The following NUMB variants were observed in gnomAD, a reference collection of about 807,000 sequenced individuals.
NUMB encodes protein numb homolog.
Under a neutral mutation model 59.7 loss-of-function variants are expected in NUMB, and 29 were observed. That is an observed-to-expected ratio of 0.49 (90% CI 0.36 to 0.66). The LOEUF (loss-of-function observed/expected upper bound fraction) is 0.66. NUMB is among the 30% of genes least tolerant of loss of function. The probability of loss-of-function intolerance (pLI) is 0.00; values close to 1 mark genes in which losing one functional copy is unlikely to be tolerated. For missense variants in NUMB, 723 were observed against 822.0 expected (o/e 0.88, Z 1.47); for synonymous variants, 288 against 288.2 (o/e 1.00, Z 0.01).
At chr14:73,326,354 C>G (rs1271188775) in intron 4 of NUMB, among the ~76,000 whole-genome samples, 1 of 152,044 alleles carries the variant, frequency 6.6e-6, no homozygotes, top group Non-Finnish European at 1.5e-5. Flanking sequence ...TGGCCGGTCG[C>G]GGTGGGTCAC....
At chr14:73,300,180 G>A (rs1199789061) in intron 6 of NUMB, among the ~76,000 whole-genome samples, 3 of 152,136 alleles carry the variant, frequency 2.0e-5, no homozygotes, top group Non-Finnish European at 4.4e-5. Flanking sequence ...CAATGGAAAC[G>A]GAAGGCCCAA....
chr14:73,445,417 G>A (rs1324655357), intron 1 of NUMB, among the ~76,000 whole-genome samples: 3 of 128,716 alleles, frequency 2.3e-5, no homozygotes, highest in Admixed American at 8.4e-5. Context: ...ATTTATAGCT[G>A]GATAAAATAA....
intron 1 of NUMB, among the ~76,000 whole-genome samples, chr14:73,417,802 A>G (rs1264400839): frequency 2.0e-5 from 3 of 152,200 alleles, no homozygotes; most frequent in Admixed American, 6.5e-5. Context: ...CGATGGATGA[A>G]TGGCTAAACA....
intron 3 of NUMB, among the ~76,000 whole-genome samples, chr14:73,358,601 ACTTT>A (rs1893937298): frequency 8.6e-6 from 1 of 115,684 alleles, no homozygotes; most frequent in African/African-American, 3.4e-5. Context: ...GGAAAGCTAG[ACTTT>A]TTTTTTTTTT....
At chr14:73,413,603 C>T (rs1200967763) in intron 1 of NUMB, among the ~76,000 whole-genome samples, 2 of 151,528 alleles carry the variant, frequency 1.3e-5, no homozygotes, top group African/African-American at 4.8e-5. Flanking sequence ...ACCAAAAATA[C>T]AAAAATTAGC....
intron 1 of NUMB, among the ~76,000 whole-genome samples, chr14:73,441,642 G>A (rs552657422): frequency 2.6e-4 from 40 of 152,068 alleles, no homozygotes; most frequent in African/African-American, 8.4e-4. Flanking sequence ...TTTGGGAGGC[G>A]AGGAGAAAGA....
At chr14:73,356,609 G>A (rs938073211) in intron 3 of NUMB, among the ~76,000 whole-genome samples, 3 of 152,154 alleles carry the variant, frequency 2.0e-5, no homozygotes, top group Non-Finnish European at 4.4e-5. Context: ...CACAGCCTGG[G>A]CGACAGAGTG....
chr14:73,446,131 G>A (rs1883485985), intron 1 of NUMB, among the ~76,000 whole-genome samples: 1 of 137,086 alleles, frequency 7.3e-6, no homozygotes, highest in Non-Finnish European at 1.5e-5. Flanking sequence ...CGAGTAGCTG[G>A]GACTATAAGC....
At chr14:73,389,784 T>C (rs567146150) in intron 2 of NUMB, among the ~76,000 whole-genome samples, 1 of 152,336 alleles carries the variant, frequency 6.6e-6, no homozygotes, top group South Asian at 2.1e-4. Flanking sequence ...TAAAATGGGA[T>C]AATAATGTAT....
chr14:73,388,701 G>A (rs754762768), intron 2 of NUMB, among the ~76,000 whole-genome samples: 20 of 152,118 alleles, frequency 1.3e-4, no homozygotes, highest in Non-Finnish European at 2.6e-4. Context: ...GGTAGCTCAC[G>A]CCTGTAATCC....
chr14:73,443,461 G>A (rs1449369038), intron 1 of NUMB, among the ~76,000 whole-genome samples: 1 of 152,006 alleles, frequency 6.6e-6, no homozygotes, highest in Non-Finnish European at 1.5e-5. Context: ...CAGGCGTGGT[G>A]GCGCACGCCT....
intron 1 of NUMB, among the ~76,000 whole-genome samples, chr14:73,413,956 CT>C (rs748482351): frequency 0.016 from 2,269 of 138,858 alleles, 24 homozygotes; most frequent in African/African-American, 0.042. Flanking sequence ...AATGTTTTTT[CT>C]TTTTTTTTTT....
chr14:73,376,254 C>A (rs929029059), intron 2 of NUMB, among the ~76,000 whole-genome samples: 1 of 151,930 alleles, frequency 6.6e-6, no homozygotes, highest in African/African-American at 2.4e-5. Flanking sequence ...TCCTATATAC[C>A]AGTAATAAAC....
chr14:73,277,745 C>T (rs867360171), intron 12 of NUMB, among the ~76,000 whole-genome samples: 42 of 144,994 alleles, frequency 2.9e-4, no homozygotes, highest in Middle Eastern at 7.2e-3. Context: ...CTGGGCAACA[C>T]AGTGAGAATT....
chr14:73,419,422 T>C (rs568387326), intron 1 of NUMB, among the ~76,000 whole-genome samples: 212 of 152,208 alleles, frequency 1.4e-3, no homozygotes, highest in African/African-American at 4.7e-3. Context: ...GGCAGGAGAA[T>C]GGCATGAACC....
At chr14:73,355,870 G>A (rs1719872869) in intron 3 of NUMB, 104 bp from the exon 4 acceptor site, 1 of 815,918 alleles carries the variant, frequency 1.2e-6, no homozygotes, top group Non-Finnish European at 1.9e-6. Flanking sequence ...AAAATTAAAG[G>A]TTTTGGGTTT....
chr14:73,312,559 C>T (rs1566738480), intron 6 of NUMB, among the ~76,000 whole-genome samples: 2 of 151,966 alleles, frequency 1.3e-5, no homozygotes, highest in Non-Finnish European at 2.9e-5. Context: ...ACAAAAAACA[C>T]AAAAATTAGC....
intron 4 of NUMB, among the ~76,000 whole-genome samples, chr14:73,327,050 T>TA (rs71112729): frequency 0.19 from 28,362 of 149,704 alleles, 3,142 homozygotes; most frequent in South Asian, 0.26. Flanking sequence ...TAAGGAAATT[T>TA]AAAAAAAAAA....
chr14:73,346,945 G>A (rs967204568), intron 4 of NUMB, among the ~76,000 whole-genome samples: 4 of 152,110 alleles, frequency 2.6e-5, no homozygotes, highest in Admixed American at 1.3e-4. Flanking sequence ...TTATGCTCAA[G>A]TAGTTCCCAT....
Sources: allele counts gnomAD v4.1 joint callset (sites outside exome capture counted in the v4.1 genomes callset), GRCh38; gene constraint gnomAD v4.1.1; transcripts MANE v1.5; gene names NCBI Gene and HGNC (gene_info 2026-07-23, HGNC 2026-07-21).